LDLRAD3: variants seen among roughly 807,000 people sequenced by gnomAD.
The protein encoded by LDLRAD3 is low-density lipoprotein receptor class A domain-containing protein 3.
A neutral mutation model predicts 29.4 loss-of-function variants in LDLRAD3; 20 were observed. The observed-to-expected ratio is 0.68, with a 90% CI of 0.48 to 0.99. The LOEUF is 0.99. Among genes scored for constraint, LDLRAD3 ranks in the 50% least tolerant of loss-of-function variants. LDLRAD3 has a pLI of 0.00. For synonymous variants in LDLRAD3, 157 were observed against 192.7 expected (o/e 0.81, Z 1.53); for missense variants, 420 against 454.3 (o/e 0.92, Z 0.69).
intron 1 of LDLRAD3, among the ~76,000 whole-genome samples, chr11:36,004,611 C>T (rs891828621): frequency 6.6e-6 from 1 of 152,220 alleles, no homozygotes; most frequent in South Asian, 2.1e-4. Flanking sequence ...TGACCCCCTT[C>T]TCACAGCTCT....
chr11:35,994,061 A>G (rs950467427), intron 1 of LDLRAD3, among the ~76,000 whole-genome samples: 3 of 152,128 alleles, frequency 2.0e-5, no homozygotes, highest in African/African-American at 7.2e-5. Flanking sequence ...ATTAGTTAGG[A>G]GTCCAGCTGT....
At chr11:36,156,091 C>T (rs568681944) in intron 4 of LDLRAD3, among the ~76,000 whole-genome samples, 30 of 152,328 alleles carry the variant, frequency 2.0e-4, no homozygotes, top group African/African-American at 5.8e-4. Flanking sequence ...ATTGACTCTG[C>T]TGATTCGAGG....
chr11:36,032,408 T>A (rs1852246820), intron 1 of LDLRAD3, among the ~76,000 whole-genome samples: 1 of 152,160 alleles, frequency 6.6e-6, no homozygotes, highest in South Asian at 2.1e-4. Context: ...GAGTTTTAGA[T>A]TTATTCTGAG....
intron 4 of LDLRAD3, among the ~76,000 whole-genome samples, chr11:36,135,312 T>C (rs1853988249): frequency 6.6e-6 from 1 of 152,210 alleles, no homozygotes; most frequent in African/African-American, 2.4e-5. Context: ...TCTTGAAAGA[T>C]TGATTGCTGG....
chr11:35,982,232 C>T (rs983665044), intron 1 of LDLRAD3, among the ~76,000 whole-genome samples: 6 of 152,168 alleles, frequency 3.9e-5, no homozygotes, highest in Non-Finnish European at 8.8e-5. Flanking sequence ...CCGTGCCTTT[C>T]CCTAGCTCCC....
At chr11:36,203,715 A>G (rs1366068346) in intron 4 of LDLRAD3, among the ~76,000 whole-genome samples, 2 of 151,086 alleles carry the variant, frequency 1.3e-5, no homozygotes, top group African/African-American at 4.9e-5. Context: ...CCTCACTGTA[A>G]TGATTACGGG....
intron 3 of LDLRAD3, among the ~76,000 whole-genome samples, chr11:36,086,684 C>T (rs889483903): frequency 6.6e-6 from 1 of 152,196 alleles, no homozygotes; most frequent in African/African-American, 2.4e-5. Flanking sequence ...CTTTCCAGTT[C>T]CCTGGGGCTC....
At chr11:36,199,460 A>G (rs1400646498) in intron 4 of LDLRAD3, among the ~76,000 whole-genome samples, 1 of 151,938 alleles carries the variant, frequency 6.6e-6, no homozygotes, top group Non-Finnish European at 1.5e-5. Flanking sequence ...CTCCTCATCT[A>G]CTCAATACAA....
chr11:36,092,308 T>C (rs116521565), intron 3 of LDLRAD3, among the ~76,000 whole-genome samples: 1,843 of 152,310 alleles, frequency 0.012, 35 homozygotes, highest in African/African-American at 0.042. Flanking sequence ...TTTTTATCTT[T>C]ATTTTTTAAA....
At chr11:36,077,138 T>TG (rs1244154472) in intron 2 of LDLRAD3, among the ~76,000 whole-genome samples, 1 of 152,228 alleles carries the variant, frequency 6.6e-6, no homozygotes, top group Non-Finnish European at 1.5e-5. Flanking sequence ...CGGAGAAATG[T>TG]GTAACCTTCT....
At chr11:36,190,377 G>A (rs1468170342) in intron 4 of LDLRAD3, among the ~76,000 whole-genome samples, 1 of 152,190 alleles carries the variant, frequency 6.6e-6, no homozygotes, top group African/African-American at 2.4e-5. Flanking sequence ...GCACATGCCT[G>A]TAGTCCTAGC....
At position 35,964,726 on chromosome 11, in the gene LDLRAD3, G is replaced by A. The variant is rs370468396; in HGVS notation, c.46+20582G>A. Among the ~76,000 whole-genome samples, 110 of 152,256 alleles carry A rather than the reference G, an allele frequency of 7.2e-4. 1 individual carries two copies. The highest frequency in any genetic ancestry group is 2.5e-3 in the African/African-American group (105 of 41,558). On this transcript the variant is annotated intron_variant, in intron 1 of 5. Coordinates refer to ENST00000315571, the MANE Select transcript of LDLRAD3 (RefSeq NM_174902.4). Reference sequence around the variant, plus strand: ...GTTGAGCCTGGGTGTGGTGGCTCATGCCTGTAATCCTAGCACTTGGGGAGG... The same window carrying A: ...GTTGAGCCTGGGTGTGGTGGCTCATACCTGTAATCCTAGCACTTGGGGAGG...
intron 4 of LDLRAD3, among the ~76,000 whole-genome samples, chr11:36,124,223 G>T (rs746373071): frequency 2.0e-5 from 3 of 152,086 alleles, no homozygotes; most frequent in Non-Finnish European, 4.4e-5. Flanking sequence ...TCTCCTTTTT[G>T]TCTCTACCCT....
intron 4 of LDLRAD3, among the ~76,000 whole-genome samples, chr11:36,179,854 C>A (rs1565283228): frequency 1.3e-5 from 2 of 151,976 alleles, no homozygotes; most frequent in African/African-American, 2.4e-5. Flanking sequence ...ATTAGCCGGA[C>A]ATGGTAGCCT....
chr11:36,123,188 A>AAATAATAAT (rs535143112), intron 4 of LDLRAD3, among the ~76,000 whole-genome samples: 1 of 151,546 alleles, frequency 6.6e-6, no homozygotes, highest in Non-Finnish European at 1.5e-5. Flanking sequence ...CTCCGTCTCA[A>AAATAATAAT]AATAATAATA....
chr11:36,081,677 C>T lies in LDLRAD3; in HGVS notation c.218C>T (p.Pro73Leu), dbSNP rs777152133. ...ECPKAKSKCG[P>L]TFFPCASGIH... is the part of the protein sequence containing the mutation. ...GCCAAGGCTAAGTCGAAATGTGGCC[C>T]AACCTTCTTCCCCTGTGCCAGCGGC... The change falls in exon 3 of 6, where the codon CCA becomes CTA. Residue 73 changes from proline (P) to leucine (L), a missense_variant. Physicochemically the swap from Pro to Leu is moderately conservative, Grantham distance 98 (BLOSUM62 -3). Coordinates refer to ENST00000315571, the MANE Select transcript of LDLRAD3 (RefSeq NM_174902.4). 22 of 1,614,114 alleles carry T rather than the reference C, an allele frequency of 1.4e-5. No individual in the cohort carries two copies. Among genetic ancestry groups the T allele is most frequent in the East Asian group, 4.5e-5 (2 of 44,896 alleles).
intron 4 of LDLRAD3, among the ~76,000 whole-genome samples, chr11:36,193,190 C>T (rs1022005694): frequency 6.6e-6 from 1 of 152,172 alleles, no homozygotes; most frequent in African/African-American, 2.4e-5. Flanking sequence ...GTGTTGGGAA[C>T]ATTCTGTGAG....
intron 3 of LDLRAD3, among the ~76,000 whole-genome samples, chr11:36,097,930 C>T (rs1461827466): frequency 1.3e-5 from 2 of 152,166 alleles, no homozygotes; most frequent in Admixed American, 6.5e-5. Flanking sequence ...CCAAAGGCAT[C>T]CCTGTATTAT....
chr11:36,055,742 C>T (rs1405012077), intron 2 of LDLRAD3, among the ~76,000 whole-genome samples: 1 of 152,216 alleles, frequency 6.6e-6, no homozygotes, highest in African/African-American at 2.4e-5. Flanking sequence ...TGAGCACTCT[C>T]GCTTTTCTCA....
Sources: gnomAD v4.1 joint callset for allele counts (sites outside exome capture counted in the v4.1 genomes callset) on GRCh38, gnomAD v4.1.1 for gene constraint, MANE v1.5 for transcripts, NCBI Gene and HGNC (gene_info 2026-07-23, HGNC 2026-07-21) for gene names.